RSU1: variants seen among roughly 807,000 people sequenced by gnomAD.
RSU1 encodes Ras suppressor protein 1.
A neutral mutation model predicts 31.1 loss-of-function variants in RSU1; 26 were observed. That is an observed-to-expected ratio of 0.84 (90% CI 0.61 to 1.16). The LOEUF (loss-of-function observed/expected upper bound fraction) is 1.16. Ranked by LOEUF, RSU1 falls within the 50% of genes most tolerant of loss-of-function variation. The pLI, the probability that RSU1 is intolerant of heterozygous loss-of-function variation, is 0.00. For missense variants in RSU1, 320 were observed against 339.1 expected (o/e 0.94, Z 0.44); for synonymous variants, 164 against 136.3 (o/e 1.20, Z -1.41).
intron 4 of RSU1, among the ~76,000 whole-genome samples, chr10:16,759,953 A>G (rs1182873262): frequency 6.6e-6 from 1 of 152,150 alleles, no homozygotes; most frequent in African/African-American, 2.4e-5. Context: ...CTGGCTCCTT[A>G]GAATAAGGAG....
chr10:16,677,213 C>G (rs1449729711), intron 8 of RSU1, among the ~76,000 whole-genome samples: 3 of 152,154 alleles, frequency 2.0e-5, no homozygotes, highest in Non-Finnish European at 4.4e-5. Context: ...CTGGCCAGAA[C>G]TTGATTTCTG....
chr10:16,721,130 G>T (rs1188802751), intron 7 of RSU1, among the ~76,000 whole-genome samples: 1 of 152,162 alleles, frequency 6.6e-6, no homozygotes, highest in Non-Finnish European at 1.5e-5. Flanking sequence ...AGGTGCTCTT[G>T]GTCTAGTGGT....
At chr10:16,678,344 T>C (rs1051553230) in intron 8 of RSU1, among the ~76,000 whole-genome samples, 1 of 152,230 alleles carries the variant, frequency 6.6e-6, no homozygotes, top group Non-Finnish European at 1.5e-5. Flanking sequence ...TTATAAACAG[T>C]GGAAGATTTC....
At chr10:16,798,998 C>T (rs1838095256) in intron 2 of RSU1, among the ~76,000 whole-genome samples, 1 of 152,108 alleles carries the variant, frequency 6.6e-6, no homozygotes, top group African/African-American at 2.4e-5. Flanking sequence ...GAGGAATATT[C>T]CAGAGTATAA....
intron 8 of RSU1, among the ~76,000 whole-genome samples, chr10:16,690,894 T>C (rs1452738515): frequency 6.6e-6 from 1 of 152,188 alleles, no homozygotes; most frequent in East Asian, 1.9e-4. Context: ...AAGTATGTTT[T>C]CATGGTAGTT....
At chr10:16,813,684 G>C (rs7091240) in intron 2 of RSU1, among the ~76,000 whole-genome samples, 2 of 152,056 alleles carry the variant, frequency 1.3e-5, no homozygotes, top group African/African-American at 2.4e-5. Context: ...TTGAATCCAC[G>C]TCTATCCAAA....
chr10:16,603,253 G>GA (rs1833743585), intron 8 of RSU1, among the ~76,000 whole-genome samples: 1 of 152,098 alleles, frequency 6.6e-6, no homozygotes, highest in African/African-American at 2.4e-5. Flanking sequence ...CAAGCTATAT[G>GA]AAAAATAGGC....
intron 8 of RSU1, among the ~76,000 whole-genome samples, chr10:16,648,550 T>A (rs981321059): frequency 2.0e-5 from 3 of 152,138 alleles, no homozygotes; most frequent in African/African-American, 7.2e-5. Flanking sequence ...ATGGCTTGTT[T>A]GAAAGGGCAG....
intron 8 of RSU1, among the ~76,000 whole-genome samples, chr10:16,689,681 A>G (rs999921591): frequency 6.6e-5 from 10 of 152,230 alleles, no homozygotes; most frequent in African/African-American, 2.4e-4. Context: ...CCCACCATTC[A>G]CCAAAGACTG....
chr10:16,715,390 T>C (rs1836120127), intron 7 of RSU1, among the ~76,000 whole-genome samples: 1 of 152,244 alleles, frequency 6.6e-6, no homozygotes, highest in African/African-American at 2.4e-5. Context: ...GTCCAACGTC[T>C]TGAAGATTTT....
chr10:16,767,933 A>G (rs921280048), intron 3 of RSU1, among the ~76,000 whole-genome samples: 38 of 152,340 alleles, frequency 2.5e-4, no homozygotes, highest in Admixed American at 5.9e-4. Flanking sequence ...TCCTATACAT[A>G]CGTGGCGGGA....
At chr10:16,610,015 T>C (rs1347653469) in intron 8 of RSU1, among the ~76,000 whole-genome samples, 3 of 152,242 alleles carry the variant, frequency 2.0e-5, no homozygotes, top group African/African-American at 7.2e-5. Context: ...GGAATTAATT[T>C]TAATATCATA....
chr10:16,702,441 G>C (rs1304525702), intron 7 of RSU1, among the ~76,000 whole-genome samples: 1 of 152,250 alleles, frequency 6.6e-6, no homozygotes, highest in East Asian at 1.9e-4. Context: ...AGTCACAGGA[G>C]CTAAACACTG....
At chr10:16,764,884 T>G (rs924744020) in intron 3 of RSU1, among the ~76,000 whole-genome samples, 1 of 142,470 alleles carries the variant, frequency 7.0e-6, no homozygotes, top group African/African-American at 2.8e-5. Flanking sequence ...AAGTGCAACT[T>G]TTTTTTTCCT....
At chr10:16,605,978 C>T (rs2131462972) in intron 8 of RSU1, among the ~76,000 whole-genome samples, 1 of 152,164 alleles carries the variant, frequency 6.6e-6, no homozygotes, top group Admixed American at 6.5e-5. Flanking sequence ...TTCATAAACA[C>T]CTGGCTTCAA....
At chr10:16,622,572 A>G (rs1421429529) in intron 8 of RSU1, among the ~76,000 whole-genome samples, 1 of 152,200 alleles carries the variant, frequency 6.6e-6, no homozygotes, top group Non-Finnish European at 1.5e-5. Context: ...CACAGGTGCA[A>G]CCTGAACTAA....
chr10:16,754,911 G>T lies in RSU1; in HGVS notation c.360C>A (p.Asn120Lys). Residue 120 changes from asparagine (N) to lysine (K), a missense_variant, in exon 5 of 9, where the codon AAC (asparagine) becomes AAA (lysine). Transcript: ENST00000345264. ...ALEVLDLTYN[N>K]LSENSLPGNF... The stretch of plus-strand genomic sequence containing the variant: ...TTCCAGGAAGAGAATTTTCGCTCAA[G>T]TTGTTGTACGTCAAGTCCAGAACCT... The T allele has an allele frequency of 6.2e-7, 1 of 1,613,124 alleles. No homozygotes were observed. The highest frequency in any genetic ancestry group is 2.2e-5 in the East Asian group (1 of 44,804).
chr10:16,640,651 G>T (rs933323303), intron 8 of RSU1, among the ~76,000 whole-genome samples: 21 of 152,186 alleles, frequency 1.4e-4, no homozygotes, highest in African/African-American at 5.1e-4. Flanking sequence ...CAGGGCCTTC[G>T]CATGTGTGCT....
intron 2 of RSU1, among the ~76,000 whole-genome samples, chr10:16,814,573 G>A (rs749173117): frequency 6.6e-5 from 10 of 152,034 alleles, no homozygotes; most frequent in Non-Finnish European, 1.2e-4. Flanking sequence ...TGAGAAGTGA[G>A]CCCTGGTGGA....
Sources: allele counts gnomAD v4.1 joint callset (sites outside exome capture counted in the v4.1 genomes callset), GRCh38; gene constraint gnomAD v4.1.1; transcripts MANE v1.5; gene names NCBI Gene and HGNC (gene_info 2026-07-23, HGNC 2026-07-21).